Variants in VRK2 observed in about 807,000 individuals in gnomAD.
VRK2 encodes VRK serine/threonine kinase 2.
VRK2 carries 60 observed loss-of-function variants against 57.6 expected under a neutral mutation model. The observed-to-expected ratio is 1.04, with a 90% CI of 0.85 to 1.29. The LOEUF is 1.29. Ranked by LOEUF, VRK2 falls within the 50% of genes most tolerant of loss-of-function variation. VRK2 has a pLI of 0.00. For synonymous variants in VRK2, 231 were observed against 199.2 expected (o/e 1.16, Z -1.35); for missense variants, 705 against 588.1 (o/e 1.20, Z -2.06).
intron 1 of VRK2, among the ~76,000 whole-genome samples, chr2:58,017,224 TCTC>T: frequency 6.6e-6 from 1 of 152,232 alleles, no homozygotes; most frequent in East Asian, 1.9e-4. Flanking sequence ...ACGTGACTAA[TCTC>T]CTTGGTAACC....
intron 1 of VRK2, among the ~76,000 whole-genome samples, chr2:57,943,069 C>T (rs1039451430): frequency 1.3e-5 from 2 of 152,174 alleles, no homozygotes; most frequent in Admixed American, 1.3e-4. Flanking sequence ...GGACACTTCA[C>T]AGCTTTTCAA....
chr2:57,926,998 T>TGTGTGTGTGTGTGTGTGTG (rs540927767), intron 1 of VRK2, among the ~76,000 whole-genome samples: 1 of 142,758 alleles, frequency 7.0e-6, no homozygotes, highest in African/African-American at 2.6e-5. Flanking sequence ...TTTTAATTTC[T>TGTGTGTGTGTGTGTGTGTG]TGTGTGTGTG....
chr2:57,995,723 C>G (rs755269661), intron 1 of VRK2, among the ~76,000 whole-genome samples: 1 of 152,178 alleles, frequency 6.6e-6, no homozygotes, highest in Non-Finnish European at 1.5e-5. Flanking sequence ...ACTCAAGCAT[C>G]CAGATTTAAT....
At chr2:58,023,136 T>C (rs1673815295) in intron 1 of VRK2, among the ~76,000 whole-genome samples, 2 of 152,186 alleles carry the variant, frequency 1.3e-5, no homozygotes, top group Admixed American at 6.5e-5. Context: ...TAACTCCACA[T>C]ATCCCTTCCT....
At chr2:58,144,203 A>T (rs1008958951) in intron 11 of VRK2, among the ~76,000 whole-genome samples, 14 of 152,040 alleles carry the variant, frequency 9.2e-5, no homozygotes, top group African/African-American at 3.1e-4. Context: ...TAATAAACTT[A>T]TGAAAGCAGA....
chr2:57,948,237 T>C (rs1671320569), intron 1 of VRK2, among the ~76,000 whole-genome samples: 1 of 152,204 alleles, frequency 6.6e-6, no homozygotes, highest in Admixed American at 6.5e-5. Flanking sequence ...AGATCCAGCA[T>C]TAGGAAAGTC....
intron 1 of VRK2, chr2:58,018,193 A>G (rs1449646531): frequency 6.6e-6 from 1 of 152,148 alleles, no homozygotes. Context: ...GGGTTTCACC[A>G]CGTTGGCCAA....
chr2:58,147,017 A>G (rs2104654888), intron 12 of VRK2: 1 of 358,854 alleles, frequency 2.8e-6, no homozygotes, highest in Middle Eastern at 4.5e-4. Context: ...GTGAAAAAAT[A>G]TTTAATTTTG....
chr2:57,946,770 G>A (rs889682283), intron 1 of VRK2, among the ~76,000 whole-genome samples: 2 of 152,032 alleles, frequency 1.3e-5, no homozygotes, highest in Non-Finnish European at 2.9e-5. Context: ...CCAAATTTAT[G>A]AGCCTTCTGG....
Position 58,159,638 on chromosome 2 carries a change from G to A in VRK2, c.1472G>A (p.Arg491His), listed in dbSNP as rs192754138. The change falls in exon 13 of 13, where the codon CGC becomes CAC. Residue 491 changes from arginine (R) to histidine (H), a missense_variant. Coordinates refer to ENST00000340157, the MANE Select transcript of VRK2 (RefSeq NM_006296.7). ...ACAAACGCAGATGTTTATTATTATC[G>A]CATCATCATACCTGTCCTTTTGATG... ...EETNADVYYYRIIIPVLLMLV... is the reference protein window; with the variant it reads ...EETNADVYYYHIIIPVLLMLV... The A allele has an allele frequency of 1.5e-4, 243 of 1,613,596 alleles. No homozygotes were observed. The East Asian group carries it at 3.4e-3, about 23-fold the overall frequency.
At chr2:58,010,996 C>T (rs945794474) in intron 1 of VRK2, among the ~76,000 whole-genome samples, 1 of 152,150 alleles carries the variant, frequency 6.6e-6, no homozygotes, top group Middle Eastern at 3.2e-3. Flanking sequence ...TTTTCAAAGG[C>T]ATTTCAATGG....
chr2:58,041,519 T>C (rs999390861), intron 3 of VRK2, among the ~76,000 whole-genome samples: 6 of 152,040 alleles, frequency 3.9e-5, no homozygotes, highest in African/African-American at 1.4e-4. Context: ...AGACTTTTTG[T>C]AGCAATAAGA....
At chr2:57,928,447 T>C (rs1259039208) in intron 1 of VRK2, among the ~76,000 whole-genome samples, 3 of 152,122 alleles carry the variant, frequency 2.0e-5, no homozygotes, top group Non-Finnish European at 4.4e-5. Flanking sequence ...CTTTGTGTTA[T>C]CTTGAATTTA....
At chr2:58,058,470 A>G in intron 2 of VRK2, 1 of 464,060 alleles carries the variant, frequency 2.2e-6, no homozygotes, top group Non-Finnish European at 4.5e-6. Context: ...GCGCATAGAG[A>G]ACATAGCTTC....
intron 1 of VRK2, among the ~76,000 whole-genome samples, chr2:57,983,593 T>C (rs576002306): frequency 1.3e-5 from 2 of 152,352 alleles, no homozygotes; most frequent in African/African-American, 4.8e-5. Flanking sequence ...AGATCGAAAG[T>C]ATTTGCCTTC....
At chr2:58,084,792 AT>A (rs1446667107) in intron 3 of VRK2, 88 bp from the exon 4 acceptor site, 1 of 859,258 alleles carries the variant, frequency 1.2e-6, no homozygotes, top group African/African-American at 1.7e-5. Flanking sequence ...TATACTACAT[AT>A]ATATGTTCAT....
intron 1 of VRK2, among the ~76,000 whole-genome samples, chr2:57,947,480 T>C (rs1204536618): frequency 6.6e-6 from 1 of 152,204 alleles, no homozygotes; most frequent in African/African-American, 2.4e-5. Flanking sequence ...TGCCCTGGTC[T>C]TTCCAACAGC....
In VRK2 at chr2:58,089,589, C is replaced by A. The variant is rs781126213; in HGVS notation, c.451-42C>A. On this transcript the variant is annotated intron_variant, in intron 6 of 12. Coordinates refer to ENST00000340157, the MANE Select transcript of VRK2 (RefSeq NM_006296.7). ...AAAATGTTGAAATTGATCATGAGTT[C>A]TAAATAGCAGTAAACCTTATTTTAT... 3 of 1,288,736 alleles carry A rather than the reference C, an allele frequency of 2.3e-6. No homozygotes were observed. The Admixed American group carries it at 6.4e-5, about 28-fold the overall frequency. 79.8% of individuals were successfully genotyped at this position (1,288,736 alleles called of 1,614,324 possible).
intron 1 of VRK2, among the ~76,000 whole-genome samples, chr2:57,960,788 C>A (rs761010271): frequency 2.0e-5 from 3 of 152,138 alleles, no homozygotes; most frequent in Non-Finnish European, 2.9e-5. Context: ...TATTTTAGAC[C>A]AGGATCCAGC....
Sources: allele counts gnomAD v4.1 joint callset (sites outside exome capture counted in the v4.1 genomes callset), GRCh38; gene constraint gnomAD v4.1.1; transcripts MANE v1.5; gene names NCBI Gene and HGNC (gene_info 2026-07-23, HGNC 2026-07-21).